The following EDDM13 variants were observed in gnomAD, a reference collection of about 807,000 sequenced individuals.
The protein encoded by EDDM13 is epididymal protein 13.
EDDM13 carries 24 observed loss-of-function variants against 17.8 expected under a neutral mutation model. The observed-to-expected ratio is 1.35, with a 90% CI of 0.98 to 1.90. The LOEUF (loss-of-function observed/expected upper bound fraction) is 1.90. EDDM13 is among the 40% of genes most tolerant of loss of function. The pLI is 0.00. For synonymous variants in EDDM13, 31 were observed against 37.5 expected, an observed-to-expected ratio of 0.83 and a Z score of 0.63; for missense variants, 97 against 100.8, an observed-to-expected ratio of 0.96 and a Z score of 0.16.
Position 56,284,849 on chromosome 19 carries a change from T to C in EDDM13, c.128-149T>C, listed in dbSNP as rs534066370. 3.6e-5 allele frequency: 7 copies of C among 195,478 alleles called. No homozygotes were observed. The East Asian group carries it at 1.1e-3, about 31-fold the overall frequency. The allele number at this position is 195,478 out of a possible 1,614,324, so 12.1% of individuals were successfully genotyped here. A position where few individuals can be genotyped will look rare whatever the true frequency, so the allele number is the denominator to read the frequency against. ...GATAGAGGTAGGAAAGGGGATTAAG[T>C]GGGAATAATGAGGCATCATGACTGA... On this transcript the variant is annotated intron_variant, in intron 5 of 14. Coordinates refer to ENST00000649256, the MANE Select transcript of EDDM13 (RefSeq NM_001354658.2).
Position 56,291,510 on chromosome 19 carries a change from T to C in EDDM13, c.232+664T>C, listed in dbSNP as rs117674341. Among the ~76,000 whole-genome samples, 1,174 of 152,302 alleles carry C rather than the reference T, an allele frequency of 7.7e-3. 8 individuals carry two copies. Among genetic ancestry groups the C allele is most frequent in the Non-Finnish European group, 0.013 (891 of 68,012 alleles). The stretch of plus-strand genomic sequence containing the variant: ...TTGAGAACCACAGGGTGGGAGGAGC[T>C]AGGAAGAAGGCGTTATTAATTTCTT... On this transcript the variant is annotated intron_variant, in intron 9 of 14. Coordinates refer to ENST00000649256, the MANE Select transcript of EDDM13 (RefSeq NM_001354658.2).
At chr19:56,285,871 T>A (rs1156252033) in intron 6 of EDDM13, among the ~76,000 whole-genome samples, 2 of 152,238 alleles carry the variant, frequency 1.3e-5, no homozygotes, top group African/African-American at 4.8e-5. Flanking sequence ...TGCAAATTCC[T>A]ATCTGTTAAG....
At chr19:56,285,077 T>C in intron 6 of EDDM13, 53 bp downstream of exon 6, 1 of 916,848 alleles carries the variant, frequency 1.1e-6, no homozygotes, top group Non-Finnish European at 1.3e-6. Flanking sequence ...GTCCGCAAGG[T>C]AATGTAGACT....
intron 2 of EDDM13, among the ~76,000 whole-genome samples, chr19:56,276,437 T>C (rs967028195): frequency 4.0e-5 from 6 of 151,242 alleles, no homozygotes; most frequent in African/African-American, 7.3e-5. Context: ...CACCAGCTGG[T>C]GGTTTGCAAA....
chr19:56,295,509 C>T (rs1389904236), intron 9 of EDDM13, among the ~76,000 whole-genome samples: 1 of 152,002 alleles, frequency 6.6e-6, no homozygotes, highest in Non-Finnish European at 1.5e-5. Flanking sequence ...GCAGGAGAAT[C>T]GCTTGAACCC....
intron 1 of EDDM13, among the ~76,000 whole-genome samples, chr19:56,274,309 C>G (rs925254375): frequency 6.6e-6 from 1 of 151,976 alleles, no homozygotes; most frequent in Non-Finnish European, 1.5e-5. Context: ...CAAAAATTAT[C>G]CAGGCATGGT....
At chr19:56,300,994 G>A (rs189649098) in intron 12 of EDDM13, among the ~76,000 whole-genome samples, 8 of 152,234 alleles carry the variant, frequency 5.3e-5, no homozygotes, top group East Asian at 1.9e-4. Context: ...AAAGGATGGC[G>A]TAGTGGGCAG....
At chr19:56,289,591 CTT>C (rs894666981) in intron 8 of EDDM13, among the ~76,000 whole-genome samples, 1 of 152,120 alleles carries the variant, frequency 6.6e-6, no homozygotes, top group Non-Finnish European at 1.5e-5. Context: ...AAATGTTTCT[CTT>C]GTGTGTGGTG....
At chr19:56,276,867 T>C (rs2038304647) in intron 2 of EDDM13, among the ~76,000 whole-genome samples, 1 of 152,052 alleles carries the variant, frequency 6.6e-6, no homozygotes, top group Non-Finnish European at 1.5e-5. Context: ...TTTACCTTAT[T>C]GTAAATTCAA....
intron 3 of EDDM13, among the ~76,000 whole-genome samples, chr19:56,282,077 T>A (rs989927195): frequency 6.6e-6 from 1 of 152,090 alleles, no homozygotes; most frequent in African/African-American, 2.4e-5. Flanking sequence ...ATTGTGTGTA[T>A]TTATTGGTGG....
Position 56,302,067 on chromosome 19 carries a change from T to G in EDDM13, c.395T>G (p.Leu132Arg). 1 of 1,231,694 alleles carries G rather than the reference T, an allele frequency of 8.1e-7. No homozygotes were observed. The highest frequency in any genetic ancestry group is 3.2e-5 in the East Asian group (1 of 31,666). 76.3% of individuals were successfully genotyped at this position (1,231,694 alleles called of 1,614,324 possible). The change falls in exon 13 of 15, where the codon CTC becomes CGC. Residue 132 changes from leucine (L) to arginine (R), a missense_variant. Transcript: ENST00000649256. Reference protein sequence around the residue: ...LKCAYMVMTYLFVSYNKGDWC... With the variant: ...LKCAYMVMTYRFVSYNKGDWC... ...TGCGCCTACATGGTGATGACCTACC[T>G]CTTCGTATCCTACAACAAAGGGGAC...
chr19:56,282,523 T>C (rs1000625782), intron 4 of EDDM13, 24 bp downstream of exon 4: 12 of 985,304 alleles, frequency 1.2e-5, no homozygotes, highest in Non-Finnish European at 1.4e-5. Flanking sequence ...TCCATCTCTT[T>C]CCCTTTGGGG....
chr19:56,300,754 T>G (rs886082562), intron 12 of EDDM13, among the ~76,000 whole-genome samples: 1 of 152,210 alleles, frequency 6.6e-6, no homozygotes, highest in African/African-American at 2.4e-5. Context: ...ACACTGGTAA[T>G]GTTTTATTTT....
At chr19:56,302,558 T>A (rs1046743567) in intron 13 of EDDM13, among the ~76,000 whole-genome samples, 2 of 29,252 alleles carry the variant, frequency 6.8e-5, no homozygotes, top group East Asian at 8.5e-4. Flanking sequence ...CCTCCCTCCC[T>A]CCCCCCTTCC....
intron 1 of EDDM13, among the ~76,000 whole-genome samples, chr19:56,273,347 A>G (rs1479073192): frequency 6.6e-6 from 1 of 152,210 alleles, no homozygotes; most frequent in East Asian, 1.9e-4. Flanking sequence ...GACACCAAAG[A>G]GTATATTGGG....
At chr19:56,290,449 T>C (rs956259136) in intron 8 of EDDM13, among the ~76,000 whole-genome samples, 1 of 152,230 alleles carries the variant, frequency 6.6e-6, no homozygotes, top group African/African-American at 2.4e-5. Flanking sequence ...ACCTCTGAGC[T>C]AGAGCAGTGC....
intron 1 of EDDM13, among the ~76,000 whole-genome samples, chr19:56,275,586 T>A (rs975068516): frequency 2.6e-5 from 4 of 152,152 alleles, no homozygotes; most frequent in East Asian, 1.9e-4. Context: ...TAAGAATAAA[T>A]AAAAAGTATT....
At chr19:56,275,165 C>A (rs1405494008) in intron 1 of EDDM13, among the ~76,000 whole-genome samples, 1 of 152,136 alleles carries the variant, frequency 6.6e-6, no homozygotes, top group Non-Finnish European at 1.5e-5. Flanking sequence ...TACTATTTTC[C>A]CCCTTTGTAA....
At position 56,308,331 on chromosome 19, in the gene EDDM13, CT is replaced by C. The variant is rs543582885; in HGVS notation, c.462-1783del. 2.1e-4 allele frequency among the ~76,000 whole-genome samples: 30 copies of C among 144,664 alleles called. No individual in the cohort carries two copies. The East Asian group carries it at 2.4e-3, about 12-fold the overall frequency. 94.9% of individuals were successfully genotyped at this position (144,664 alleles called of 152,430 possible). A position where few individuals can be genotyped will look rare whatever the true frequency, so the allele number is the denominator to read the frequency against. On this transcript the variant is annotated intron_variant, in intron 14 of 14. Coordinates refer to ENST00000649256, the MANE Select transcript of EDDM13 (RefSeq NM_001354658.2). ...ACAGGCGTGAGCGGTGGCTCCCAGT[CT>C]TTTTTTTTTGAGATGGAGGCTCACT...
Sources: gnomAD v4.1 joint callset for allele counts (sites outside exome capture counted in the v4.1 genomes callset) on GRCh38, gnomAD v4.1.1 for gene constraint, MANE v1.5 for transcripts, NCBI Gene and HGNC (gene_info 2026-07-23, HGNC 2026-07-21) for gene names.